Variants in IL1RAPL1 observed in about 807,000 individuals in gnomAD.
IL1RAPL1 encodes the protein interleukin-1 receptor accessory protein-like 1.
A neutral mutation model predicts 48.4 loss-of-function variants in IL1RAPL1; 3 were observed. That is an observed-to-expected ratio of 0.06 (90% CI 0.03 to 0.16). The LOEUF (loss-of-function observed/expected upper bound fraction) is 0.16, where lower values mean the gene tolerates loss of function less well. Among genes scored for constraint, IL1RAPL1 ranks in the 10% least tolerant of loss-of-function variants. IL1RAPL1 has a pLI of 1.00. For missense variants in IL1RAPL1, 349 were observed against 530.6 expected (o/e 0.66, Z 3.36); for synonymous variants, 185 against 187.7 (o/e 0.99, Z 0.12).
intron 5 of IL1RAPL1, among the ~76,000 whole-genome samples, chrX:29,494,215 A>C (rs5971520): frequency 0.47 from 51,544 of 110,750 alleles, 8,715 homozygotes; most frequent in East Asian, 0.7. Flanking sequence ...AGTATCATTT[A>C]TAAGTGAGAA....
At chrX:29,608,957 G>T (rs1275021562) in intron 5 of IL1RAPL1, among the ~76,000 whole-genome samples, 1 of 112,263 alleles carries the variant, frequency 8.9e-6, no homozygotes, top group African/African-American at 3.2e-5. Flanking sequence ...ATCAAGAAGG[G>T]TTTATTTAAG....
At chrX:29,485,958 C>T (rs1316052729) in intron 5 of IL1RAPL1, among the ~76,000 whole-genome samples, 1 of 111,135 alleles carries the variant, frequency 9.0e-6, no homozygotes, top group Non-Finnish European at 1.9e-5. Flanking sequence ...GTTTGAGAAG[C>T]GCAGCGTTAG....
intron 2 of IL1RAPL1, among the ~76,000 whole-genome samples, chrX:28,903,091 C>G (rs773003410): frequency 2.1e-4 from 23 of 111,485 alleles, no homozygotes; most frequent in Non-Finnish European, 4.3e-4. Flanking sequence ...GGAAATGAAG[C>G]TTCAGTCACA....
At chrX:28,819,967 G>GATATATATATATAT (rs764635166) in intron 2 of IL1RAPL1, among the ~76,000 whole-genome samples, 1 of 26,735 alleles carries the variant, frequency 3.7e-5, no homozygotes, top group African/African-American at 8.4e-5. Flanking sequence ...TAAACATAGT[G>GATATATATATATAT]ATATATATAT....
intron 2 of IL1RAPL1, among the ~76,000 whole-genome samples, chrX:28,832,164 C>T (rs1344150875): frequency 2.7e-5 from 3 of 110,663 alleles, no homozygotes; most frequent in Non-Finnish European, 5.7e-5. Flanking sequence ...TAATTCTAGT[C>T]ACCCTGCAGT....
chrX:29,048,067 A>G (rs1278400551), intron 2 of IL1RAPL1, among the ~76,000 whole-genome samples: 1 of 111,317 alleles, frequency 9.0e-6, no homozygotes, highest in Non-Finnish European at 1.9e-5. Flanking sequence ...CACTCCTGCA[A>G]CTTTTACGTG....
At chrX:29,495,876 CCTCTCT>C (rs774596436) in intron 5 of IL1RAPL1, among the ~76,000 whole-genome samples, 1 of 107,379 alleles carries the variant, frequency 9.3e-6, no homozygotes, top group Non-Finnish European at 1.9e-5. Flanking sequence ...TCTCTGTCTT[CCTCTCT>C]CTCTCTCTCT....
intron 5 of IL1RAPL1, among the ~76,000 whole-genome samples, chrX:29,616,482 C>T (rs777582330): frequency 7.7e-4 from 79 of 102,378 alleles, no homozygotes; most frequent in Non-Finnish European, 1.1e-3. Context: ...CTCCCCCCTC[C>T]CCCTACCCCA....
intron 2 of IL1RAPL1, among the ~76,000 whole-genome samples, chrX:28,830,992 T>TCTC: frequency 1.2e-4 from 2 of 16,069 alleles, no homozygotes; most frequent in African/African-American, 2.7e-4. Flanking sequence ...TGCCCAGGGT[T>TCTC]TCTCTCTCTC....
chrX:29,387,657 A>G (rs759841604), intron 3 of IL1RAPL1, among the ~76,000 whole-genome samples: 4 of 112,194 alleles, frequency 3.6e-5, no homozygotes, highest in East Asian at 5.6e-4. Flanking sequence ...TTTGCCGGGC[A>G]TGGAAGACAC....
rs150740603 is a variant in IL1RAPL1, at chrX:29,404,577, T to C, written c.703+5269T>C. ...TCCTCTCTCCTATCCTTTATGACAT[T>C]GTTCTCATTCATTTCACTTACCCAT... On this transcript the variant is annotated intron_variant, in intron 5 of 10. Transcript: ENST00000378993. 3.6e-5 allele frequency among the ~76,000 whole-genome samples: 4 copies of C among 112,331 alleles called. No homozygotes were observed. The East Asian group carries it at 1.1e-3, about 31-fold the overall frequency.
intron 5 of IL1RAPL1, among the ~76,000 whole-genome samples, chrX:29,612,578 T>C (rs761873481): frequency 9.0e-6 from 1 of 111,533 alleles, no homozygotes; most frequent in Admixed American, 9.5e-5. Flanking sequence ...CTCACTAAAA[T>C]GGAACTAGTA....
intron 5 of IL1RAPL1, among the ~76,000 whole-genome samples, chrX:29,494,974 A>G (rs1029079219): frequency 1.8e-5 from 2 of 112,023 alleles, no homozygotes; most frequent in Non-Finnish European, 3.8e-5. Context: ...GAAGAGCACA[A>G]AGATCCATAT....
chrX:29,617,643 T>C (rs998227000), intron 5 of IL1RAPL1, among the ~76,000 whole-genome samples: 3 of 112,205 alleles, frequency 2.7e-5, no homozygotes, highest in Non-Finnish European at 3.8e-5. Flanking sequence ...GTTCTTAAAC[T>C]AAAGCTCATG....
At chrX:28,884,061 A>T (rs1410593238) in intron 2 of IL1RAPL1, among the ~76,000 whole-genome samples, 1 of 111,891 alleles carries the variant, frequency 8.9e-6, no homozygotes, top group Admixed American at 9.5e-5. Context: ...GCATTGGGAG[A>T]TATACCTAAT....
At position 29,535,134 on chromosome X, in the gene IL1RAPL1, C is replaced by CAAAAAAAA. The variant is rs35842937; in HGVS notation, c.704-133275_704-133268dup. Among the ~76,000 whole-genome samples the CAAAAAAAA allele has an allele frequency of 1.0e-3, 23 of 22,583 alleles. 1 individual carries two copies. Among genetic ancestry groups the CAAAAAAAA allele is most frequent in the African/African-American group, 4.1e-3 (21 of 5,151 alleles). The allele number at this position is 22,583 out of a possible 115,157, so 19.6% of individuals were successfully genotyped here. A position where few individuals can be genotyped will look rare whatever the true frequency, so the allele number is the denominator to read the frequency against. On this transcript the variant is annotated intron_variant, in intron 5 of 10. Transcript: ENST00000378993. ...GGGCAATGGAGTCAGACTCTGTCTC[C>CAAAAAAAA]AAAAAAAAAAAAAAAAAAAAAAAAA...
intron 2 of IL1RAPL1, among the ~76,000 whole-genome samples, chrX:29,218,407 G>A (rs746578174): frequency 3.4e-4 from 38 of 111,146 alleles, no homozygotes; most frequent in Non-Finnish European, 6.2e-4. Context: ...TCCAAAGCAC[G>A]ACAAAAGAAA....
chrX:29,214,655 C>T (rs1012668535), intron 2 of IL1RAPL1, among the ~76,000 whole-genome samples: 1 of 110,853 alleles, frequency 9.0e-6, no homozygotes, highest in African/African-American at 3.3e-5. Flanking sequence ...TTGGGATCCC[C>T]GAGATAATTC....
intron 5 of IL1RAPL1, among the ~76,000 whole-genome samples, chrX:29,453,803 A>G (rs1452084351): frequency 8.9e-6 from 1 of 112,477 alleles, no homozygotes; most frequent in Non-Finnish European, 1.9e-5. Flanking sequence ...ATTTAAAGGA[A>G]TTTTGAAAAA....
Sources: allele counts gnomAD v4.1 joint callset (sites outside exome capture counted in the v4.1 genomes callset), GRCh38; gene constraint gnomAD v4.1.1; transcripts MANE v1.5; gene names NCBI Gene and HGNC (gene_info 2026-07-23, HGNC 2026-07-21).